The following WBP2NL variants were observed in gnomAD, a reference collection of about 807,000 sequenced individuals.
The protein encoded by WBP2NL is WBP2 N-terminal like, also known as postacrosomal sheath WW domain-binding protein.
WBP2NL carries 27 observed loss-of-function variants against 23.3 expected under a neutral mutation model. The ratio of observed to expected loss-of-function variants is 1.16; its 90% confidence interval spans 0.85 to 1.60. The LOEUF is 1.60. Among genes scored for constraint, WBP2NL ranks in the 40% most tolerant of loss-of-function variants. The pLI, the probability that WBP2NL is intolerant of heterozygous loss-of-function variation, is 0.00. For synonymous variants in WBP2NL, 151 were observed against 145.9 expected (o/e 1.03, Z -0.25); for missense variants, 370 against 389.5 (o/e 0.95, Z 0.42).
chr22:42,007,797 T>C (rs1199176452), intron 1 of WBP2NL, among the ~76,000 whole-genome samples: 1 of 152,220 alleles, frequency 6.6e-6, no homozygotes, highest in Non-Finnish European at 1.5e-5. Flanking sequence ...TATCCATTCA[T>C]GCACTGATGG....
At chr22:42,020,910 T>A (rs28628180) in intron 4 of WBP2NL, among the ~76,000 whole-genome samples, 164 of 36,418 alleles carry the variant, frequency 4.5e-3, no homozygotes, top group Middle Eastern at 0.011. Context: ...ATATATATAT[T>A]TTTTTTTTTT....
intron 1 of WBP2NL, 76 bp from the exon 2 acceptor site, chr22:42,019,235 A>G: frequency 7.1e-7 from 1 of 1,403,854 alleles, no homozygotes; most frequent in South Asian, 1.3e-5. Context: ...AAAAAAAAAA[A>G]TTGCGTTAAG....
chr22:42,001,327 C>T lies in WBP2NL; in HGVS notation c.62+2447C>T, dbSNP rs959981524. 1.6e-4 allele frequency: 108 copies of T among 692,564 alleles called. No homozygotes were observed. In the East Asian group the frequency reaches 2.6e-3, roughly 17 times the overall value. 42.9% of individuals were successfully genotyped at this position (692,564 alleles called of 1,614,324 possible). Reference sequence around the variant, plus strand: ...CAGTGACAGTCTGTGCATCATCCAACTGATGACAATGTGAGTGTTCTTGGG... The same window carrying T: ...CAGTGACAGTCTGTGCATCATCCAATTGATGACAATGTGAGTGTTCTTGGG... On this transcript the variant is annotated intron_variant, in intron 1 of 5. Coordinates refer to ENST00000328823, the MANE Select transcript of WBP2NL (RefSeq NM_152613.3).
chr22:42,021,679 A>C (rs1923988497), intron 4 of WBP2NL, among the ~76,000 whole-genome samples: 1 of 152,048 alleles, frequency 6.6e-6, no homozygotes, highest in Non-Finnish European at 1.5e-5. Flanking sequence ...AATATCTGTT[A>C]TGATTAGGTG....
At chr22:42,001,168 T>A in intron 1 of WBP2NL, 2 of 787,482 alleles carry the variant, frequency 2.5e-6, no homozygotes, top group Non-Finnish European at 4.5e-6. Context: ...CAGCTTTGCT[T>A]CCTTCATCAT....
intron 1 of WBP2NL, among the ~76,000 whole-genome samples, chr22:42,017,914 C>T (rs1034379078): frequency 2.0e-5 from 3 of 151,786 alleles, no homozygotes; most frequent in Non-Finnish European, 4.4e-5. Flanking sequence ...TTTGGGAGGT[C>T]GAGGCGGGCG....
At chr22:42,044,542 C>A (rs1482907096) in intron 8 of WBP2NL, among the ~76,000 whole-genome samples, 3 of 152,196 alleles carry the variant, frequency 2.0e-5, no homozygotes, top group Non-Finnish European at 4.4e-5. Context: ...GTGGCTCATG[C>A]CTGTAATCCC....
chr22:42,015,950 C>T (rs372048200), intron 1 of WBP2NL, among the ~76,000 whole-genome samples: 3 of 152,024 alleles, frequency 2.0e-5, no homozygotes, highest in Non-Finnish European at 4.4e-5. Flanking sequence ...TCATCCCTTT[C>T]GCTAGGTAGC....
rs571329433 is a variant in WBP2NL at position 42,023,012 on chromosome 22, A to C, written c.514+656A>C. ...TAAAGGTTATTACAGTCTAATATTC[A>C]GAATCTAAAGTAATTGTTGCTAGGG... On this transcript the variant is annotated intron_variant, in intron 5 of 5. Transcript: ENST00000328823. Among the ~76,000 whole-genome samples the C allele has an allele frequency of 4.6e-5, 7 of 152,366 alleles. No homozygotes were observed. In the South Asian group the frequency reaches 1.2e-3, roughly 27 times the overall value.
intron 8 of WBP2NL, among the ~76,000 whole-genome samples, chr22:42,044,670 G>A (rs1925516931): frequency 6.6e-6 from 1 of 152,114 alleles, no homozygotes; most frequent in African/African-American, 2.4e-5. Flanking sequence ...TGGACATGGT[G>A]GTGTGTGCCT....
intron 1 of WBP2NL, among the ~76,000 whole-genome samples, chr22:42,006,252 G>T (rs904043456): frequency 2.8e-5 from 4 of 144,196 alleles, no homozygotes; most frequent in African/African-American, 1.0e-4. Context: ...ACGGAGTCTC[G>T]CTCTGTCACC....
At chr22:42,030,834 A>G (rs542647609), downstream of WBP2NL, 1 of 152,188 alleles carries the variant, frequency 6.6e-6, no homozygotes, top group Non-Finnish European at 1.5e-5. Context: ...GTAAGTTGAG[A>G]ACAGGGTGAA....
intron 1 of WBP2NL, among the ~76,000 whole-genome samples, chr22:42,006,475 C>T (rs969112720): frequency 1.1e-4 from 16 of 152,154 alleles, no homozygotes; most frequent in African/African-American, 2.7e-4. Flanking sequence ...CCTCGTGATC[C>T]GCCCACCTCA....
At chr22:42,012,591 A>G (rs1602448699) in intron 1 of WBP2NL, among the ~76,000 whole-genome samples, 1 of 152,194 alleles carries the variant, frequency 6.6e-6, no homozygotes, top group Non-Finnish European at 1.5e-5. Context: ...TTGTATTTCA[A>G]ATCTACTAGT....
At chr22:42,049,050 A>C (rs1251766051) in intron 8 of WBP2NL, among the ~76,000 whole-genome samples, 1 of 152,228 alleles carries the variant, frequency 6.6e-6, no homozygotes, top group Non-Finnish European at 1.5e-5. Flanking sequence ...TACTTTGTTC[A>C]CAAATGACCA....
At chr22:42,007,047 A>G (rs1368861911) in intron 1 of WBP2NL, among the ~76,000 whole-genome samples, 1 of 152,268 alleles carries the variant, frequency 6.6e-6, no homozygotes, top group African/African-American at 2.4e-5. Context: ...GTACTTTTCC[A>G]CATGGAAATA....
chr22:42,029,294 G>GAAAA (rs953340569), downstream of WBP2NL, among the ~76,000 whole-genome samples: 3 of 81,976 alleles, frequency 3.7e-5, no homozygotes, highest in Non-Finnish European at 6.9e-5. Context: ...CTGTGTCTAG[G>GAAAA]AAAAAAAAAA....
At chr22:42,040,880 C>T (rs1925377923) in intron 8 of WBP2NL, among the ~76,000 whole-genome samples, 1 of 152,190 alleles carries the variant, frequency 6.6e-6, no homozygotes, top group Admixed American at 6.5e-5. Context: ...AAATTGTATT[C>T]TGCTGCTGTT....
At chr22:42,018,303 AC>A (rs1348450197) in intron 1 of WBP2NL, among the ~76,000 whole-genome samples, 1 of 137,496 alleles carries the variant, frequency 7.3e-6, no homozygotes, top group African/African-American at 3.0e-5. Context: ...ACAGAGTGAG[AC>A]CCTGTCTCAA....
Sources: gnomAD v4.1 joint callset for allele counts (sites outside exome capture counted in the v4.1 genomes callset) on GRCh38, gnomAD v4.1.1 for gene constraint, MANE v1.5 for transcripts, NCBI Gene and HGNC (gene_info 2026-07-23, HGNC 2026-07-21) for gene names.